LDB2: variants seen among roughly 807,000 people sequenced by gnomAD.
LDB2 encodes the protein LIM domain binding 2.
A neutral mutation model predicts 44.3 loss-of-function variants in LDB2; 12 were observed. The ratio of observed to expected loss-of-function variants is 0.27; its 90% confidence interval spans 0.17 to 0.44. LDB2 has a LOEUF of 0.44. Among genes scored for constraint, LDB2 ranks in the 20% least tolerant of loss-of-function variants. The pLI, the probability that LDB2 is intolerant of heterozygous loss-of-function variation, is 1.00. For missense variants in LDB2, 344 were observed against 473.5 expected (o/e 0.73, Z 2.54); for synonymous variants, 164 against 174.8 (o/e 0.94, Z 0.49).
chr4:16,542,343 A>C (rs1434787772), intron 5 of LDB2, among the ~76,000 whole-genome samples: 1 of 152,222 alleles, frequency 6.6e-6, no homozygotes, highest in African/African-American at 2.4e-5. Flanking sequence ...AAATGCCATG[A>C]AGATAATAAA....
chr4:16,520,323 A>C (rs1725569598), intron 5 of LDB2, among the ~76,000 whole-genome samples: 1 of 152,054 alleles, frequency 6.6e-6, no homozygotes, highest in African/African-American at 2.4e-5. Context: ...AAAGCAAATA[A>C]TCCCCACTAA....
At chr4:16,611,862 A>T (rs769990989) in intron 2 of LDB2, among the ~76,000 whole-genome samples, 1 of 152,196 alleles carries the variant, frequency 6.6e-6, no homozygotes, top group Non-Finnish European at 1.5e-5. Context: ...TATCAAGCAG[A>T]CCTAGTAGGC....
chr4:16,735,210 A>T (rs34347526), intron 2 of LDB2, among the ~76,000 whole-genome samples: 12,383 of 152,168 alleles, frequency 0.081, 652 homozygotes, highest in Non-Finnish European at 0.12. Context: ...AGTCTCCCCA[A>T]TGCTGCCCGC....
chr4:16,523,296 A>G (rs1037713653), intron 5 of LDB2, among the ~76,000 whole-genome samples: 18 of 152,210 alleles, frequency 1.2e-4, no homozygotes, highest in Non-Finnish European at 2.4e-4. Flanking sequence ...TTAAGGTACA[A>G]CAGCAAAAAT....
intron 5 of LDB2, among the ~76,000 whole-genome samples, chr4:16,531,094 C>G (rs962182246): frequency 1.3e-5 from 2 of 152,194 alleles, no homozygotes; most frequent in African/African-American, 4.8e-5. Flanking sequence ...TCTTTTGACC[C>G]ATACCCAGGA....
intron 2 of LDB2, among the ~76,000 whole-genome samples, chr4:16,674,901 A>G (rs1468978063): frequency 1.3e-5 from 2 of 152,060 alleles, no homozygotes; most frequent in Non-Finnish European, 2.9e-5. Flanking sequence ...CTTATTCAAA[A>G]CTATTATACC....
At chr4:16,649,890 G>A (rs1737796552) in intron 2 of LDB2, among the ~76,000 whole-genome samples, 1 of 152,170 alleles carries the variant, frequency 6.6e-6, no homozygotes, top group Admixed American at 6.5e-5. Flanking sequence ...GATAGAGCTG[G>A]TGGCTGAAAC....
rs545598621 is a variant in LDB2, at chr4:16,523,430, A to G, written c.616-11326T>C. 5.3e-5 allele frequency among the ~76,000 whole-genome samples: 8 copies of G among 152,332 alleles called. No individual in the cohort carries two copies. In the East Asian group the frequency reaches 1.3e-3, roughly 26 times the overall value. Reference sequence around the variant, plus strand: ...CGAGAACTTTTACCTTTCACTTACAAGAAATACTTTATGGCCTCTCTCTGA... The same window carrying G: ...CGAGAACTTTTACCTTTCACTTACAGGAAATACTTTATGGCCTCTCTCTGA... On this transcript the variant is annotated intron_variant, in intron 5 of 7. Coordinates refer to ENST00000304523, the MANE Select transcript of LDB2 (RefSeq NM_001290.5).
intron 2 of LDB2, among the ~76,000 whole-genome samples, chr4:16,617,908 C>T (rs141582958): frequency 4.9e-4 from 75 of 152,220 alleles, no homozygotes; most frequent in East Asian, 4.5e-3. Flanking sequence ...GGGGTGGGTG[C>T]TTTGAGAAGT....
At chr4:16,610,283 CA>C (rs1325299957) in intron 2 of LDB2, among the ~76,000 whole-genome samples, 7 of 152,072 alleles carry the variant, frequency 4.6e-5, no homozygotes, top group Admixed American at 2.0e-4. Context: ...GCTGAAAACC[CA>C]AAAGGCCAGA....
At chr4:16,883,241 G>A (rs953488332) in intron 1 of LDB2, among the ~76,000 whole-genome samples, 1 of 152,192 alleles carries the variant, frequency 6.6e-6, no homozygotes, top group African/African-American at 2.4e-5. Flanking sequence ...TGTGTTGGAT[G>A]TGACAGGTTA....
chr4:16,879,723 T>C (rs1425456286), intron 1 of LDB2, among the ~76,000 whole-genome samples: 3 of 152,184 alleles, frequency 2.0e-5, no homozygotes, highest in Non-Finnish European at 4.4e-5. Context: ...CATAACAATG[T>C]GAGTCTAGAG....
At chr4:16,527,146 G>A (rs776589004) in intron 5 of LDB2, among the ~76,000 whole-genome samples, 3 of 152,166 alleles carry the variant, frequency 2.0e-5, no homozygotes, top group Non-Finnish European at 4.4e-5. Context: ...GTTAGACAGC[G>A]AGATATTTGG....
rs34093228 is a variant in LDB2, at chr4:16,543,455, G to A, written c.616-31351C>T. ...ACCTGTTGTTTCCTGACTTTTTAAC[G>A]ATCGCCATTCTAACTGATGTGAGAT... On this transcript the variant is annotated intron_variant, in intron 5 of 7. Coordinates refer to ENST00000304523, the MANE Select transcript of LDB2 (RefSeq NM_001290.5). Among the ~76,000 whole-genome samples the A allele has an allele frequency of 2.9e-3, 434 of 152,124 alleles. 2 individuals are homozygous for A. Among genetic ancestry groups the A allele is most frequent in the African/African-American group, 1.0e-2 (413 of 41,488 alleles).
intron 5 of LDB2, among the ~76,000 whole-genome samples, chr4:16,519,766 G>A (rs529239280): frequency 1.4e-4 from 21 of 151,660 alleles, no homozygotes; most frequent in Non-Finnish European, 2.7e-4. Context: ...TAGAAAATGG[G>A]GATAATACTA....
intron 2 of LDB2, among the ~76,000 whole-genome samples, chr4:16,632,903 G>C (rs2152497423): frequency 6.6e-6 from 1 of 152,302 alleles, no homozygotes; most frequent in East Asian, 1.9e-4. Context: ...TCTAGAACTA[G>C]AAATACCATT....
chr4:16,507,292 AC>A (rs1719863560), intron 7 of LDB2: 1 of 152,100 alleles, frequency 6.6e-6, no homozygotes, highest in Non-Finnish European at 1.5e-5. Context: ...TGAAAAGTAT[AC>A]CCCCTGTCTG....
At chr4:16,690,929 A>G (rs1183259796) in intron 2 of LDB2, among the ~76,000 whole-genome samples, 2 of 152,210 alleles carry the variant, frequency 1.3e-5, no homozygotes, top group Non-Finnish European at 2.9e-5. Context: ...CGTTTCCCCT[A>G]TGTCTCAAGG....
intron 5 of LDB2, among the ~76,000 whole-genome samples, chr4:16,515,234 T>C (rs541743738): frequency 6.6e-6 from 1 of 152,048 alleles, no homozygotes; most frequent in Non-Finnish European, 1.5e-5. Flanking sequence ...GAGCTGAACA[T>C]TGGGTACATA....
Sources: gnomAD v4.1 joint callset for allele counts (sites outside exome capture counted in the v4.1 genomes callset) on GRCh38, gnomAD v4.1.1 for gene constraint, MANE v1.5 for transcripts, NCBI Gene and HGNC (gene_info 2026-07-23, HGNC 2026-07-21) for gene names.